Variants in LRRC39 observed in about 807,000 individuals in gnomAD.
The protein encoded by LRRC39 is leucine-rich repeat-containing protein 39.
LRRC39 carries 35 observed loss-of-function variants against 39.7 expected under a neutral mutation model. The ratio of observed to expected loss-of-function variants is 0.88; its 90% CI spans 0.67 to 1.17. The LOEUF is 1.17. Ranked by LOEUF, LRRC39 falls within the 50% of genes most tolerant of loss-of-function variation. The pLI, the probability that LRRC39 is intolerant of heterozygous loss-of-function variation, is 0.00. For synonymous variants in LRRC39, 113 were observed against 134.1 expected (o/e 0.84, Z 1.09); for missense variants, 357 against 385.8 (o/e 0.93, Z 0.62).
At chr1:100,166,822 A>G (rs1400975313) in intron 3 of LRRC39, among the ~76,000 whole-genome samples, 1 of 152,200 alleles carries the variant, frequency 6.6e-6, no homozygotes, top group Non-Finnish European at 1.5e-5. Context: ...CAATGGTTTT[A>G]TAAGAGGTTT....
chr1:100,152,310 A>G, intron 9 of LRRC39, 75 bp downstream of exon 9: 1 of 1,370,830 alleles, frequency 7.3e-7, no homozygotes, highest in East Asian at 2.3e-5. Flanking sequence ...GGAATTAATC[A>G]AAAGGCAGCA....
At chr1:100,163,249 C>T (rs1177880409) in intron 3 of LRRC39, among the ~76,000 whole-genome samples, 1 of 152,104 alleles carries the variant, frequency 6.6e-6, no homozygotes, top group Non-Finnish European at 1.5e-5. Flanking sequence ...GATTTAGTAA[C>T]AAGTAAATTA....
chr1:100,162,266 G>A (rs560792047), intron 3 of LRRC39, among the ~76,000 whole-genome samples: 7 of 152,202 alleles, frequency 4.6e-5, no homozygotes, highest in Admixed American at 3.3e-4. Flanking sequence ...ATATAAAAAT[G>A]TATAAAATCT....
intron 8 of LRRC39, among the ~76,000 whole-genome samples, chr1:100,153,980 T>C (rs897774022): frequency 6.6e-5 from 10 of 152,194 alleles, no homozygotes; most frequent in Admixed American, 5.9e-4. Flanking sequence ...ATAAACACTT[T>C]TATGCTTTTG....
At position 100,160,461 on chromosome 1, in the gene LRRC39, C is replaced by T. The variant is rs1658790503; in HGVS notation, c.219+5G>A. Reference sequence around the variant, plus strand: ...TGGAAAATCAAATATTCTATAAAAGCTTACCTTCCATTCCTCTTTTTCTAT... The same window carrying T: ...TGGAAAATCAAATATTCTATAAAAGTTTACCTTCCATTCCTCTTTTTCTAT... On this transcript the variant is annotated splice_donor_5th_base_variant and intron_variant, in intron 4 of 9. Coordinates refer to ENST00000370137, the MANE Select transcript of LRRC39 (RefSeq NM_144620.4). The T allele has an allele frequency of 1.9e-6, 3 of 1,607,676 alleles. No homozygotes were observed. Among genetic ancestry groups the T allele is most frequent in the African/African-American group, 2.7e-5 (2 of 74,598 alleles).
At chr1:100,173,787 A>G (rs1170178465) in intron 1 of LRRC39, among the ~76,000 whole-genome samples, 1 of 152,226 alleles carries the variant, frequency 6.6e-6, no homozygotes, top group Non-Finnish European at 1.5e-5. Flanking sequence ...TTGAAAAATC[A>G]ATTATGTGTC....
At position 100,159,606 on chromosome 1, in the gene LRRC39, C is replaced by CTTTTTTTT. The variant is rs10593200; in HGVS notation, c.220-199_220-192dup. On this transcript the variant is annotated intron_variant, in intron 4 of 9. Coordinates refer to ENST00000370137, the MANE Select transcript of LRRC39 (RefSeq NM_144620.4). ...GATCTTTCCTTTTTTTTTTCTTTTC[C>CTTTTTTTT]TTTTTTTTTTTTTTTTTTTTTGGCT... is the stretch of plus-strand genomic sequence containing the variant. Among the ~76,000 whole-genome samples, 5 of 41,286 alleles carry CTTTTTTTT rather than the reference C, an allele frequency of 1.2e-4. 1 individual carries two copies. Among genetic ancestry groups the CTTTTTTTT allele is most frequent in the African/African-American group, 2.0e-4 (2 of 9,802 alleles). 27.1% of individuals were successfully genotyped at this position (41,286 alleles called of 152,430 possible). A position where few individuals can be genotyped will look rare whatever the true frequency, so the allele number is the denominator to read the frequency against.
intron 8 of LRRC39, 63 bp downstream of exon 8, chr1:100,154,988 G>A: frequency 7.0e-7 from 1 of 1,430,802 alleles, no homozygotes; most frequent in Non-Finnish European, 9.4e-7. Flanking sequence ...TCTCTCTACA[G>A]TACTTTTTTC....
chr1:100,162,223 A>G (rs79211828), intron 3 of LRRC39, among the ~76,000 whole-genome samples: 2,922 of 152,314 alleles, frequency 0.019, 36 homozygotes, highest in Non-Finnish European at 0.03. Context: ...TCATCTTACT[A>G]CATGTTAATT....
Position 100,175,029 on chromosome 1 carries a change from C to T in LRRC39, c.-118-1659G>A, listed in dbSNP as rs548126369. ...CTCTTTTGCTCCTGTTCTGGCCTTG[C>T]GGGACGCAGGCTTCCCCCTTTGCCT... On this transcript the variant is annotated intron_variant, in intron 1 of 9. Coordinates refer to ENST00000370137, the MANE Select transcript of LRRC39 (RefSeq NM_144620.4). 2.6e-5 allele frequency among the ~76,000 whole-genome samples: 4 copies of T among 152,192 alleles called. No homozygotes were observed. The East Asian group carries it at 5.8e-4, about 22-fold the overall frequency.
chr1:100,161,505 A>T (rs922365539), intron 3 of LRRC39, among the ~76,000 whole-genome samples: 1 of 152,172 alleles, frequency 6.6e-6, no homozygotes, highest in African/African-American at 2.4e-5. Context: ...CAACTGATGG[A>T]CATTGGGTTA....
chr1:100,167,895 G>A (rs1570776400), intron 3 of LRRC39, among the ~76,000 whole-genome samples: 1 of 151,498 alleles, frequency 6.6e-6, no homozygotes, highest in South Asian at 2.1e-4. Flanking sequence ...GACTATTTTT[G>A]CAGGATTAGT....
chr1:100,159,287 G>A lies in LRRC39; in HGVS notation c.348C>T (p.Asn116=). The A allele has an allele frequency of 1.2e-6, 2 of 1,605,816 alleles. No homozygotes were observed. Among genetic ancestry groups the A allele is most frequent in the Non-Finnish European group, 1.7e-6 (2 of 1,176,326 alleles). ...TCCCTGGTGGTATCTCTGAAATTGT[G>A]TTTCGAGATAAATCTAACACAATGA... ...QNLIVLDLSR[N]TISEIPPGIG... is the part of the protein sequence containing the mutation. The change falls in exon 5 of 10, where the codon AAC becomes AAT. Residue 116 remains asparagine, a synonymous_variant. Coordinates refer to ENST00000370137, the MANE Select transcript of LRRC39 (RefSeq NM_144620.4).
intron 3 of LRRC39, 98 bp downstream of exon 3, chr1:100,168,306 T>C (rs1353645434): frequency 4.6e-6 from 4 of 878,590 alleles, no homozygotes; most frequent in East Asian, 2.8e-5. Context: ...TAAAATTCTA[T>C]ATCAAATTCA....
At position 100,148,448 on chromosome 1, in the gene LRRC39, TA is replaced by T; in HGVS notation, c.*593del. ...TTTATAATCTAATTTTAGAATAAGC[TA>T]AAATATACACATCTTTTATTGTGGT... On this transcript the variant is annotated 3_prime_UTR_variant, in exon 10 of 10. Transcript: ENST00000370137. 1 of 1,163,506 alleles carries T rather than the reference TA, an allele frequency of 8.6e-7. No homozygotes were observed. The highest frequency in any genetic ancestry group is 1.2e-6 in the Non-Finnish European group (1 of 827,494). 72.1% of individuals were successfully genotyped at this position (1,163,506 alleles called of 1,614,324 possible).
At chr1:100,167,466 C>T (rs1397546130) in intron 3 of LRRC39, among the ~76,000 whole-genome samples, 1 of 152,138 alleles carries the variant, frequency 6.6e-6, no homozygotes, top group Admixed American at 6.5e-5. Flanking sequence ...ATAACATTTG[C>T]TAATTTAATG....
At position 100,158,162 on chromosome 1, in the gene LRRC39, C is replaced by T. The variant is rs1004481614; in HGVS notation, c.513+69G>A. On this transcript the variant is annotated intron_variant, in intron 6 of 9. Transcript: ENST00000370137. Reference sequence around the variant, plus strand: ...TTCTCATTAGTTTTATTATTGTTAACAACCACACATTGAGTGGTCAACTAC... The same window carrying T: ...TTCTCATTAGTTTTATTATTGTTAATAACCACACATTGAGTGGTCAACTAC... 3.4e-6 allele frequency: 5 copies of T among 1,463,720 alleles called. No homozygotes were observed. The African/African-American group carries it at 7.1e-5, about 21-fold the overall frequency. The allele number at this position is 1,463,720 out of a possible 1,614,324, so 90.7% of individuals were successfully genotyped here.
chr1:100,155,883 A>G (rs183942254), intron 7 of LRRC39, among the ~76,000 whole-genome samples: 15 of 152,264 alleles, frequency 9.9e-5, no homozygotes, highest in African/African-American at 3.4e-4. Flanking sequence ...ATTCTTGTTA[A>G]TTTCTCAAAG....
chr1:100,155,013 A>G, intron 8 of LRRC39, 38 bp downstream of exon 8: 1 of 1,522,238 alleles, frequency 6.6e-7, no homozygotes, highest in Non-Finnish European at 8.8e-7. Flanking sequence ...GCCAGAAAGA[A>G]AGCAAGGTTT....
Sources: gnomAD v4.1 joint callset for allele counts (sites outside exome capture counted in the v4.1 genomes callset) on GRCh38, gnomAD v4.1.1 for gene constraint, MANE v1.5 for transcripts, NCBI Gene and HGNC (gene_info 2026-07-23, HGNC 2026-07-21) for gene names.